MALSU1: variants seen among roughly 807,000 people sequenced by gnomAD.
MALSU1 encodes the protein mitochondrial assembly of ribosomal large subunit 1.
A neutral mutation model predicts 22.1 loss-of-function variants in MALSU1; 22 were observed. The ratio of observed to expected loss-of-function variants is 1.00; its 90% CI spans 0.71 to 1.42. The LOEUF is 1.42. Ranked by LOEUF, MALSU1 falls within the 40% of genes most tolerant of loss-of-function variation. The pLI is 0.00. For synonymous variants in MALSU1, 153 were observed against 118.5 expected, an observed-to-expected ratio of 1.29 and a Z score of -1.89; for missense variants, 379 against 308.3, an observed-to-expected ratio of 1.23 and a Z score of -1.72.
intron 2 of MALSU1, among the ~76,000 whole-genome samples, chr7:23,304,450 C>A (rs1583859736): frequency 6.6e-6 from 1 of 152,234 alleles, no homozygotes; most frequent in East Asian, 1.9e-4. Flanking sequence ...AGCATATTTT[C>A]TTTTGCTTAT....
intron 1 of MALSU1, 129 bp from the exon 2 acceptor site, chr7:23,300,710 C>T (rs901984649): frequency 2.6e-6 from 2 of 761,730 alleles, no homozygotes; most frequent in South Asian, 1.7e-5. Flanking sequence ...GGCCTTTACC[C>T]TGCTATCTGT....
Position 23,304,147 on chromosome 7 carries a change from T to C in MALSU1, c.435+3130T>C, listed in dbSNP as rs1783694098. 5.9e-5 allele frequency among the ~76,000 whole-genome samples: 9 copies of C among 152,162 alleles called. No individual in the cohort carries two copies. In the South Asian group the frequency reaches 1.9e-3, roughly 31 times the overall value. On this transcript the variant is annotated intron_variant, in intron 2 of 3. Transcript: ENST00000466681. ...TGTTTATGTCCTTGCTTTTAATGCT[T>C]TGGGGTATGTGCAAAGAAATGGGAT...
In MALSU1 at chr7:23,299,359, C is replaced by T. The variant is rs1783606345; in HGVS notation, c.7C>T (p.Pro3Ser). 3.2e-6 allele frequency: 5 copies of T among 1,572,708 alleles called. No individual in the cohort carries two copies. Among genetic ancestry groups the T allele is most frequent in the East Asian group, 4.5e-5 (2 of 44,304 alleles). The change falls in exon 1 of 4, where the codon CCG becomes TCG. Residue 3 changes from proline (P) to serine (S), a missense_variant. Transcript: ENST00000466681. MG[P>S]GGRVARLLAP... is the part of the protein sequence containing the mutation. ...CCGACGCAAGGCTGCTGCTATGGGG[C>T]CGGGCGGCCGTGTGGCGCGGCTGCT...
At position 23,299,588 on chromosome 7, in the gene MALSU1, G is replaced by A; in HGVS notation, c.236G>A (p.Arg79His). ...ERAEGTVNEG[R>H]PESDAADHTG... Reference sequence around the variant, plus strand: ...GCGGAGGGGACGGTCAACGAGGGACGCCCAGAATCGGACGCGGCAGGTACG... The same window carrying A: ...GCGGAGGGGACGGTCAACGAGGGACACCCAGAATCGGACGCGGCAGGTACG... The change falls in exon 1 of 4, where the codon CGC becomes CAC. Residue 79 changes from arginine to histidine, a missense_variant. Transcript: ENST00000466681. The A allele has an allele frequency of 3.1e-6, 5 of 1,594,154 alleles. No homozygotes were observed. Among genetic ancestry groups the A allele is most frequent in the African/African-American group, 1.3e-5 (1 of 74,404 alleles).
chr7:23,307,980 CTG>C (rs1783745958), intron 3 of MALSU1, 31 bp downstream of exon 3: 1 of 1,424,776 alleles, frequency 7.0e-7, no homozygotes, highest in South Asian at 1.2e-5. Context: ...TTACAGGTAA[CTG>C]TTGGTACTAC....
intron 2 of MALSU1, among the ~76,000 whole-genome samples, chr7:23,303,346 G>A (rs1480182985): frequency 6.6e-6 from 1 of 152,172 alleles, no homozygotes; most frequent in African/African-American, 2.4e-5. Context: ...CCATGTAGTA[G>A]CATGTGCCAG....
intron 1 of MALSU1, 151 bp from the exon 2 acceptor site, chr7:23,300,688 C>A: frequency 1.6e-6 from 1 of 638,648 alleles, no homozygotes; most frequent in Admixed American, 2.8e-5. Context: ...TGCCCAGGTT[C>A]ACCTTCCAGG....
At chr7:23,303,785 GGT>G (rs1432151992) in intron 2 of MALSU1, among the ~76,000 whole-genome samples, 1 of 150,176 alleles carries the variant, frequency 6.7e-6, no homozygotes, top group Non-Finnish European at 1.5e-5. Context: ...CTCCACCCTG[GGT>G]GACAGAGCAA....
At chr7:23,301,160 A>ATT (rs1246864213) in intron 2 of MALSU1, 143 bp downstream of exon 2, 6 of 679,134 alleles carry the variant, frequency 8.8e-6, no homozygotes, top group Non-Finnish European at 1.5e-5. Flanking sequence ...GCATGAATTC[A>ATT]TTTTATGTTC....
chr7:23,299,867 A>T (rs568374278), intron 1 of MALSU1, among the ~76,000 whole-genome samples: 1 of 152,154 alleles, frequency 6.6e-6, no homozygotes, highest in East Asian at 1.9e-4. Context: ...TCACAGTCTC[A>T]CCGTCCTCAC....
chr7:23,306,471 A>G (rs1176965856), intron 2 of MALSU1, among the ~76,000 whole-genome samples: 2 of 151,652 alleles, frequency 1.3e-5, no homozygotes, highest in African/African-American at 4.9e-5. Context: ...TAGAACTTCC[A>G]ATACTGTGTT....
rs1320066258 is a variant in MALSU1 at position 23,311,673 on chromosome 7, G to C, written c.*2130G>C. The C allele has an allele frequency of 2.0e-5, 3 of 152,434 alleles. No homozygotes were observed. The highest frequency in any genetic ancestry group is 2.9e-5 in the Non-Finnish European group (2 of 68,014). 9.4% of individuals were successfully genotyped at this position (152,434 alleles called of 1,614,324 possible). ...AGTAAAAATCTTAATTTGCCTGTTA[G>C]CTGATTGCTGTTAAATTTTAAATTT... On this transcript the variant is annotated 3_prime_UTR_variant, in exon 4 of 4. Transcript: ENST00000466681.
At chr7:23,300,698 G>T in intron 1 of MALSU1, 141 bp from the exon 2 acceptor site, 1 of 666,412 alleles carries the variant, frequency 1.5e-6, no homozygotes. Context: ...CACCTTCCAG[G>T]AGGCCTTTAC....
rs146044682 is a variant in MALSU1, at chr7:23,307,926, A to C, written c.494A>C (p.Asp165Ala). ...GTTAAGATAGAAGGGAAGGACACTGATGACTGGCTGTGCGTGGATTTTGGT... is the reference window on the plus strand; with the variant it reads ...GTTAAGATAGAAGGGAAGGACACTGCTGACTGGCTGTGCGTGGATTTTGGT... ...PHVKIEGKDT[D>A]DWLCVDFGSM... The change falls in exon 3 of 4, where the codon GAT becomes GCT. Residue 165 changes from aspartate (D) to alanine (A), a missense_variant. By Grantham distance (126) the Asp-to-Ala change is moderately radical. Transcript: ENST00000466681. The C allele has an allele frequency of 1.2e-6, 2 of 1,613,856 alleles. No homozygotes were observed. Among genetic ancestry groups the C allele is most frequent in the East Asian group, 2.2e-5 (1 of 44,874 alleles).
chr7:23,305,169 G>T lies in MALSU1; in HGVS notation c.436-2699G>T, dbSNP rs763905477. Among the ~76,000 whole-genome samples, 60 of 152,124 alleles carry T rather than the reference G, an allele frequency of 3.9e-4. 1 individual carries two copies. The highest frequency in any genetic ancestry group is 2.1e-4 in the Non-Finnish European group (14 of 68,022). The stretch of plus-strand genomic sequence containing the variant: ...AGGACTGTCCTTTGTGCATTGAATG[G>T]TCTTGGCTCCATTGTTGAAAATCAT... On this transcript the variant is annotated intron_variant, in intron 2 of 3. Coordinates refer to ENST00000466681, the MANE Select transcript of MALSU1 (RefSeq NM_138446.2).
rs1783633154 is a variant in MALSU1 at position 23,300,847 on chromosome 7, G to C, written c.265G>C (p.Gly89Arg). ...RPESDAADHT[G>R]PKFDIDMMVS... ...CTATTTGTGCATTTCAGATCATACT[G>C]GTCCCAAGTTTGACATCGATATGAT... The change falls in exon 2 of 4, where the codon GGT (glycine) becomes CGT (arginine). Residue 89 changes from glycine to arginine, a missense_variant. Coordinates refer to ENST00000466681, the MANE Select transcript of MALSU1 (RefSeq NM_138446.2). 36 of 1,613,478 alleles carry C rather than the reference G, an allele frequency of 2.2e-5. No individual in the cohort carries two copies. The highest frequency in any genetic ancestry group is 2.7e-5 in the Non-Finnish European group (32 of 1,179,704).
intron 3 of MALSU1, among the ~76,000 whole-genome samples, chr7:23,308,455 A>AAACAT (rs1424511228): frequency 5.3e-5 from 8 of 152,372 alleles, no homozygotes; most frequent in East Asian, 3.8e-4. Context: ...TACAAAGGGG[A>AAACAT]AACATAACTG....
chr7:23,301,732 A>G (rs1477166781), intron 2 of MALSU1, among the ~76,000 whole-genome samples: 1 of 152,200 alleles, frequency 6.6e-6, no homozygotes, highest in Non-Finnish European at 1.5e-5. Context: ...GCACTTTGGA[A>G]GGCCAAGGTG....
At chr7:23,308,966 G>GTATC (rs1783763480) in intron 3 of MALSU1, among the ~76,000 whole-genome samples, 1 of 152,214 alleles carries the variant, frequency 6.6e-6, no homozygotes, top group South Asian at 2.1e-4. Flanking sequence ...GAGGGAGGCA[G>GTATC]TATCTTTCTG....
Sources: allele counts gnomAD v4.1 joint callset (sites outside exome capture counted in the v4.1 genomes callset), GRCh38; gene constraint gnomAD v4.1.1; transcripts MANE v1.5; gene names NCBI Gene and HGNC (gene_info 2026-07-23, HGNC 2026-07-21).